The following GCNT2 variants were observed in gnomAD, a reference collection of about 807,000 sequenced individuals.
GCNT2 encodes the protein N-acetyllactosaminide beta-1,6-N-acetylglucosaminyl-transferase.
In GCNT2, 34 loss-of-function variants were observed where a neutral mutation model predicts 34.2. That is an observed-to-expected ratio of 1.00 (90% CI 0.76 to 1.32). The LOEUF (loss-of-function observed/expected upper bound fraction) is 1.32. Among genes scored for constraint, GCNT2 ranks in the 40% most tolerant of loss-of-function variants. The pLI is 0.00. For missense variants in GCNT2, 584 were observed against 489.4 expected, an observed-to-expected ratio of 1.19 and a Z score of -1.82; for synonymous variants, 212 against 188.0, an observed-to-expected ratio of 1.13 and a Z score of -1.04.
chr6:10,556,020 C>T, intron 3 of GCNT2: 1 of 1,127,996 alleles, frequency 8.9e-7, no homozygotes, highest in Non-Finnish European at 1.1e-6. Flanking sequence ...GCGCTCATTC[C>T]CTGAATGGCA....
chr6:10,578,060 T>C (rs1387169633), intron 3 of GCNT2, among the ~76,000 whole-genome samples: 1 of 152,130 alleles, frequency 6.6e-6, no homozygotes, highest in African/African-American at 2.4e-5. Flanking sequence ...ATCTGTTGGG[T>C]ACCTCTGCTC....
chr6:10,526,570 G>T (rs927617137), intron 1 of GCNT2, among the ~76,000 whole-genome samples: 2 of 151,908 alleles, frequency 1.3e-5, no homozygotes, highest in East Asian at 3.9e-4. Flanking sequence ...ATCTTCCTGC[G>T]TTCTTTTTTT....
In GCNT2 at chr6:10,528,691, A is replaced by C. The variant is rs1421795753; in HGVS notation, c.-221A>C. The C allele has an allele frequency of 1.7e-6, 1 of 596,020 alleles. No homozygotes were observed. The highest frequency in any genetic ancestry group is 2.8e-5 in the East Asian group (1 of 35,294). 36.9% of individuals were successfully genotyped at this position (596,020 alleles called of 1,614,324 possible). A position where few individuals can be genotyped will look rare whatever the true frequency, so the allele number is the denominator to read the frequency against. On this transcript the variant is annotated 5_prime_UTR_variant, in exon 3 of 5. The change abolishes an upstream ATG in the 5' untranslated region. Transcript: ENST00000495262. ...CAAATGCAAAGGAGCCACTTCAGAA[A>C]TGTGTCACAGAAAAGTGAAAATGCA...
Position 10,584,575 on chromosome 6 carries a change from G to T in GCNT2, c.926-36776G>T, listed in dbSNP as rs191445282. 4.7e-4 allele frequency among the ~76,000 whole-genome samples: 71 copies of T among 152,286 alleles called. 2 individuals are homozygous for T. The South Asian group carries it at 0.012, about 27-fold the overall frequency. The stretch of plus-strand genomic sequence containing the variant: ...AGGCCGTATCTCAGGTTGTCTCAGT[G>T]GGGGGAAACCTGGACAATACCCAGG... On this transcript the variant is annotated intron_variant, in intron 3 of 4. Transcript: ENST00000495262.
In GCNT2 at chr6:10,628,538, T is replaced by C. The variant is rs1181666944; in HGVS notation, c.*1931T>C. On this transcript the variant is annotated 3_prime_UTR_variant, in exon 5 of 5. Transcript: ENST00000495262. ...TCACTTGCACAGAGGCCAGTCCCAC[T>C]AAGGTGACCAGAGTGGGCTCCAAGC... 6.6e-6 allele frequency: 1 copy of C among 152,210 alleles called. No individual in the cohort carries two copies. The highest frequency in any genetic ancestry group is 1.5e-5 in the Non-Finnish European group (1 of 68,032). 9.4% of individuals were successfully genotyped at this position (152,210 alleles called of 1,614,324 possible). A position where few individuals can be genotyped will look rare whatever the true frequency, so the allele number is the denominator to read the frequency against.
At chr6:10,625,251 A>G (rs1204632587) in intron 4 of GCNT2, among the ~76,000 whole-genome samples, 1 of 152,148 alleles carries the variant, frequency 6.6e-6, no homozygotes, top group Non-Finnish European at 1.5e-5. Context: ...TTTCTAATGT[A>G]CCTTGCAAAA....
At chr6:10,542,890 ATTCT>A (rs1356396369) in intron 3 of GCNT2, among the ~76,000 whole-genome samples, 1,629 of 107,418 alleles carry the variant, frequency 0.015, 43 homozygotes, top group African/African-American at 0.07. Flanking sequence ...CCCTATGTTA[ATTCT>A]TTTTTTTTTT....
intron 3 of GCNT2, among the ~76,000 whole-genome samples, chr6:10,614,625 CAAA>C (rs34015959): frequency 0.53 from 55,512 of 105,574 alleles, 13,137 homozygotes; most frequent in East Asian, 0.67. Context: ...GACTCTGTCT[CAAA>C]AAAAAAAAAA....
chr6:10,571,743 G>T (rs988355959), intron 3 of GCNT2, among the ~76,000 whole-genome samples: 4 of 152,060 alleles, frequency 2.6e-5, no homozygotes, highest in African/African-American at 9.7e-5. Context: ...CTGTGTAGTT[G>T]GTATAATTTA....
intron 3 of GCNT2, among the ~76,000 whole-genome samples, chr6:10,544,373 G>A (rs781395618): frequency 6.6e-6 from 1 of 151,968 alleles, no homozygotes; most frequent in Non-Finnish European, 1.5e-5. Flanking sequence ...GGGAGGCTGA[G>A]GCAGGTGGAT....
intron 3 of GCNT2, chr6:10,557,002 C>A (rs201670024): frequency 8.1e-6 from 13 of 1,613,600 alleles, no homozygotes; most frequent in Non-Finnish European, 1.1e-5. Flanking sequence ...GGCAAGACTT[C>A]CCCCTGAAAA....
chr6:10,542,588 A>G (rs1389361706), intron 3 of GCNT2, among the ~76,000 whole-genome samples: 1 of 152,154 alleles, frequency 6.6e-6, no homozygotes, highest in African/African-American at 2.4e-5. Flanking sequence ...ATTTCATATT[A>G]ACCAAATCAT....
At position 10,626,549 on chromosome 6, in the gene GCNT2, A is replaced by G. The variant is rs1339798518; in HGVS notation, c.1151A>G (p.His384Arg). ...PLTVECLELR[H>R]RERTLNQSET... ...ACTGTGGAATGCCTAGAACTGAGGC[A>G]TCGCGAAAGAACCCTCAATCAGAGT... Residue 384 changes from histidine (H) to arginine (R), a missense_variant, in exon 5 of 5, where the codon CAT becomes CGT. Coordinates refer to ENST00000495262, the MANE Select transcript of GCNT2 (RefSeq NM_145649.5). 1 of 1,613,706 alleles carries G rather than the reference A, an allele frequency of 6.2e-7. No homozygotes were observed. Among genetic ancestry groups the G allele is most frequent in the African/African-American group, 1.3e-5 (1 of 74,926 alleles).
In GCNT2 at chr6:10,549,563, C is replaced by CTCTT. The variant is rs1348760761; in HGVS notation, c.925+19728_925+19729insCTTT. ...TTCCTTTCTCTCTCAATCTCTCTCT[C>CTCTT]TTTTTTTTTTTTTTTTTTTTTTTTT... On this transcript the variant is annotated intron_variant, in intron 3 of 4. Coordinates refer to ENST00000495262, the MANE Select transcript of GCNT2 (RefSeq NM_145649.5). 4.6e-4 allele frequency among the ~76,000 whole-genome samples: 48 copies of CTCTT among 104,310 alleles called. 3 individuals carry two copies. Among genetic ancestry groups the CTCTT allele is most frequent in the African/African-American group, 2.0e-3 (46 of 23,506 alleles). 68.4% of individuals were successfully genotyped at this position (104,310 alleles called of 152,430 possible). A position where few individuals can be genotyped will look rare whatever the true frequency, so the allele number is the denominator to read the frequency against.
chr6:10,575,245 T>C, intron 3 of GCNT2: 1 of 310,984 alleles, frequency 3.2e-6, no homozygotes, highest in Non-Finnish European at 6.3e-6. Context: ...AATTAATTTT[T>C]ATGTGATGAA....
chr6:10,529,811 C>A lies in GCNT2; in HGVS notation c.900C>A (p.Phe300Leu), dbSNP rs998552380. The change falls in exon 3 of 5, where the codon TTC (phenylalanine) becomes TTA (leucine). Residue 300 changes from phenylalanine (F) to leucine (L), a missense_variant. Coordinates refer to ENST00000495262, the MANE Select transcript of GCNT2 (RefSeq NM_145649.5). ...SKDTYSPDEH[F>L]WVTLNRIPGV... The stretch of plus-strand genomic sequence containing the variant: ...ACACCTACAGCCCCGACGAACATTT[C>A]TGGGTGACACTCAACAGGATTCCCG... 1.1e-5 allele frequency: 18 copies of A among 1,613,772 alleles called. No homozygotes were observed. The highest frequency in any genetic ancestry group is 5.3e-5 in the African/African-American group (4 of 74,914).
At chr6:10,581,780 T>C (rs996642364) in intron 3 of GCNT2, 1 of 985,116 alleles carries the variant, frequency 1.0e-6, no homozygotes, top group Non-Finnish European at 1.2e-6. Flanking sequence ...TTTGCCTCTC[T>C]TTTCTCACTC....
At chr6:10,547,083 T>C (rs1341047613) in intron 3 of GCNT2, among the ~76,000 whole-genome samples, 3 of 152,238 alleles carry the variant, frequency 2.0e-5, no homozygotes, top group Non-Finnish European at 1.5e-5. Context: ...ACAAGAATAG[T>C]ATAAAGAGCT....
chr6:10,584,963 G>C (rs1305783821), intron 3 of GCNT2, among the ~76,000 whole-genome samples: 1 of 151,120 alleles, frequency 6.6e-6, no homozygotes, highest in East Asian at 1.9e-4. Context: ...TCAGTCCTAG[G>C]TTCCTTCCAC....
Sources: gnomAD v4.1 joint callset for allele counts (sites outside exome capture counted in the v4.1 genomes callset) on GRCh38, gnomAD v4.1.1 for gene constraint, MANE v1.5 for transcripts, NCBI Gene and HGNC (gene_info 2026-07-23, HGNC 2026-07-21) for gene names.